The following CDC23 variants were observed in gnomAD, a reference collection of about 807,000 sequenced individuals.
CDC23 encodes cell division cycle 23.
A neutral mutation model predicts 81.7 loss-of-function variants in CDC23; 26 were observed. The ratio of observed to expected loss-of-function variants is 0.32; its 90% CI spans 0.23 to 0.44. CDC23 has a LOEUF of 0.44. Among genes scored for constraint, CDC23 ranks in the 20% least tolerant of loss-of-function variants. CDC23 has a pLI of 1.00. For synonymous variants in CDC23, 267 were observed against 270.8 expected (o/e 0.99, Z 0.14); for missense variants, 519 against 728.0 (o/e 0.71, Z 3.30).
Position 138,189,866 on chromosome 5 carries a change from A to C in CDC23, c.1465T>G (p.Cys489Gly). The change falls in exon 14 of 16, where the codon TGT (cysteine) becomes GGT (glycine). Residue 489 changes from cysteine to glycine, a missense_variant. This residue lies in a region of CDC23 where 175 missense variants were observed against 337.8 expected (regional missense o/e 0.52). Coordinates refer to ENST00000394886, the MANE Select transcript of CDC23 (RefSeq NM_004661.4). Reference sequence around the variant, plus strand: ...ATATCTTGGATATATTTGATGTAACACTGGGCAGCCTGTTCTGACTCAGTC... The same window carrying C: ...ATATCTTGGATATATTTGATGTAACCCTGGGCAGCCTGTTCTGACTCAGTC... ...QLTESEQAAQ[C>G]YIKYIQDIYS... The C allele has an allele frequency of 6.2e-7, 1 of 1,614,156 alleles. No individual in the cohort carries two copies. The highest frequency in any genetic ancestry group is 8.5e-7 in the Non-Finnish European group (1 of 1,180,016).
intron 15 of CDC23, 65 bp from the exon 16 acceptor site, chr5:138,189,213 A>G: frequency 1.3e-6 from 2 of 1,488,166 alleles, no homozygotes; most frequent in Non-Finnish European, 1.8e-6. Context: ...CAAGTTATTA[A>G]GATGCTGTTA....
At chr5:138,189,606 A>G (rs1237989642) in intron 15 of CDC23, 27 bp downstream of exon 15, 6 of 1,598,248 alleles carry the variant, frequency 3.8e-6, no homozygotes, top group Non-Finnish European at 5.1e-6. Context: ...TAAAATTCAA[A>G]CCTTTTATTA....
At chr5:138,205,000 C>T (rs1483587326) in intron 3 of CDC23, among the ~76,000 whole-genome samples, 3 of 151,922 alleles carry the variant, frequency 2.0e-5, no homozygotes, top group Admixed American at 1.3e-4. Context: ...CTGTAACCTC[C>T]ACCACCTGGG....
chr5:138,201,155 A>T lies in CDC23; in HGVS notation c.606T>A (p.His202Gln). 5 of 1,614,194 alleles carry T rather than the reference A, an allele frequency of 3.1e-6. No individual in the cohort carries two copies. Among genetic ancestry groups the T allele is most frequent in the Non-Finnish European group, 4.2e-6 (5 of 1,180,036 alleles). Residue 202 changes from histidine (H) to glutamine (Q), a missense_variant, in exon 6 of 16, where the codon CAT becomes CAA. Coordinates refer to ENST00000394886, the MANE Select transcript of CDC23 (RefSeq NM_004661.4). ...FVEATHVLPLHWGAWLELCNL... is the reference protein window; with the variant it reads ...FVEATHVLPLQWGAWLELCNL... ...TACAGAGTTCTAACCAGGCTCCCCAATGCAAGGGCAAAACATGAGTAGCTT... is the reference window on the plus strand; with the variant it reads ...TACAGAGTTCTAACCAGGCTCCCCATTGCAAGGGCAAAACATGAGTAGCTT...
chr5:138,209,200 G>GATCT (rs1386873375), intron 2 of CDC23, among the ~76,000 whole-genome samples: 32 of 152,114 alleles, frequency 2.1e-4, no homozygotes, highest in Admixed American at 7.2e-4. Flanking sequence ...GCTAAGACAG[G>GATCT]TGGATCACCT....
chr5:138,198,792 GGA>G lies in CDC23; in HGVS notation c.655-12_655-11del. 4 of 1,612,298 alleles carry G rather than the reference GGA, an allele frequency of 2.5e-6. No individual in the cohort carries two copies. The highest frequency in any genetic ancestry group is 3.4e-6 in the Non-Finnish European group (4 of 1,179,448). On this transcript the variant is annotated splice_polypyrimidine_tract_variant and intron_variant, in intron 6 of 15. Coordinates refer to ENST00000394886, the MANE Select transcript of CDC23 (RefSeq NM_004661.4). Reference sequence around the variant, plus strand: ...AAGACAGGAACTTCAGCTGGCAGCAGGAGAGAGAGGGACACACTTAATATAAC... The same window carrying G: ...AAGACAGGAACTTCAGCTGGCAGCAGGAGAGAGGGACACACTTAATATAAC...
chr5:138,195,646 A>T (rs1406738133), intron 9 of CDC23, among the ~76,000 whole-genome samples: 21 of 116,710 alleles, frequency 1.8e-4, no homozygotes, highest in African/African-American at 3.0e-4. Context: ...TACATATATA[A>T]TATATATTAT....
At chr5:138,198,075 TCA>T (rs996491823) in intron 9 of CDC23, 122 bp downstream of exon 9, 57 of 699,820 alleles carry the variant, frequency 8.1e-5, no homozygotes, top group Non-Finnish European at 1.3e-4. Context: ...TCCTCCCGCC[TCA>T]GTCTCCTGAG....
chr5:138,192,766 C>G, intron 9 of CDC23, 109 bp from the exon 10 acceptor site: 6 of 946,252 alleles, frequency 6.3e-6, no homozygotes, highest in Non-Finnish European at 9.3e-6. Flanking sequence ...CCCATTCCCT[C>G]TAAAGTCCTG....
intron 4 of CDC23, 54 bp from the exon 5 acceptor site, chr5:138,201,502 CTTATT>C (rs1180994568): frequency 8.2e-7 from 1 of 1,213,488 alleles, no homozygotes; most frequent in Non-Finnish European, 1.2e-6. Context: ...TTTTCATTTT[CTTATT>C]TTATTTATTT....
At chr5:138,201,993 G>C in intron 4 of CDC23, 120 bp downstream of exon 4, 1 of 692,730 alleles carries the variant, frequency 1.4e-6, no homozygotes, top group Non-Finnish European at 2.5e-6. Flanking sequence ...GATAAGCCAG[G>C]TGCTTTCCAA....
intron 2 of CDC23, among the ~76,000 whole-genome samples, chr5:138,212,655 T>C (rs1270906664): frequency 2.6e-5 from 4 of 152,188 alleles, no homozygotes; most frequent in Non-Finnish European, 1.5e-5. Context: ...GTATTTATTA[T>C]GAGATATCCT....
chr5:138,213,184 G>A lies in CDC23; in HGVS notation c.129C>T (p.Thr43=), dbSNP rs1221457294. 7 of 1,614,000 alleles carry A rather than the reference G, an allele frequency of 4.3e-6. No individual in the cohort carries two copies. The South Asian group carries it at 5.5e-5, about 13-fold the overall frequency. The change falls in exon 1 of 16, where the codon ACC becomes ACT. Residue 43 remains threonine (T), a synonymous_variant. Coordinates refer to ENST00000394886, the MANE Select transcript of CDC23 (RefSeq NM_004661.4). ...KKQLLLIAGL[T]RERGLLHSSK... Reference sequence around the variant, plus strand: ...TACTGTGTAGTAGGCCCCGCTCCCGGGTAAGGCCCGCAATAAGCAGCAGTT... The same window carrying A: ...TACTGTGTAGTAGGCCCCGCTCCCGAGTAAGGCCCGCAATAAGCAGCAGTT...
At chr5:138,207,161 T>C (rs1369335539) in intron 2 of CDC23, among the ~76,000 whole-genome samples, 2 of 152,092 alleles carry the variant, frequency 1.3e-5, no homozygotes, top group East Asian at 1.9e-4. Context: ...ATTACAGGTA[T>C]GAGCGACCGC....
At position 138,191,553 on chromosome 5, in the gene CDC23, TG is replaced by T; in HGVS notation, c.1363-19del. ...CAATAACACTGTCAAAAAAATAAAC[TG>T]GTCATTTTGACCATTGTCCCATGTG... is the stretch of plus-strand genomic sequence containing the variant. On this transcript the variant is annotated intron_variant, in intron 12 of 15. Coordinates refer to ENST00000394886, the MANE Select transcript of CDC23 (RefSeq NM_004661.4). 1 of 1,611,708 alleles carries T rather than the reference TG, an allele frequency of 6.2e-7. No individual in the cohort carries two copies. Among genetic ancestry groups the T allele is most frequent in the Non-Finnish European group, 8.5e-7 (1 of 1,177,744 alleles).
Position 138,198,733 on chromosome 5 carries a change from G to A in CDC23, c.704C>T (p.Ala235Val), listed in dbSNP as rs1375052396. Residue 235 changes from alanine (A) to valine (V), a missense_variant, in exon 7 of 16, where the codon GCT becomes GTT. Coordinates refer to ENST00000394886, the MANE Select transcript of CDC23 (RefSeq NM_004661.4). The stretch of plus-strand genomic sequence containing the variant: ...CAACTGCAACTCTGTGTATATATGA[G>A]CCAGAAAAAACTCTTTCATCCAGGT... ...PDTWMKEFFLAHIYTELQLIE... is the reference protein window; with the variant it reads ...PDTWMKEFFLVHIYTELQLIE... 6.2e-7 allele frequency: 1 copy of A among 1,614,046 alleles called. No homozygotes were observed. Among genetic ancestry groups the A allele is most frequent in the South Asian group, 1.1e-5 (1 of 91,046 alleles).
intron 15 of CDC23, among the ~76,000 whole-genome samples, chr5:138,189,411 A>G (rs543543375): frequency 6.6e-6 from 1 of 151,854 alleles, no homozygotes; most frequent in African/African-American, 2.4e-5. Context: ...ACAGGCATGC[A>G]CCACCAAACC....
intron 13 of CDC23, among the ~76,000 whole-genome samples, chr5:138,190,900 T>C (rs1180547880): frequency 3.3e-5 from 5 of 151,390 alleles, no homozygotes; most frequent in African/African-American, 1.2e-4. Flanking sequence ...ACCAAGCAAC[T>C]CAATTTTTTT....
Position 138,191,465 on chromosome 5 carries a change from T to G in CDC23, c.1424+9A>C, listed in dbSNP as rs774960468. ...GAAATATCAATAGCATTTCACTCCT[T>G]TCACTCACTTTGCCAGTTTCACCAG... is the stretch of plus-strand genomic sequence containing the variant. On this transcript the variant is annotated intron_variant, in intron 13 of 15. Transcript: ENST00000394886. 2.5e-6 allele frequency: 4 copies of G among 1,613,246 alleles called. No individual in the cohort carries two copies. The highest frequency in any genetic ancestry group is 3.4e-6 in the Non-Finnish European group (4 of 1,179,150).
Sources: allele counts gnomAD v4.1 joint callset (sites outside exome capture counted in the v4.1 genomes callset), GRCh38; gene constraint gnomAD v4.1.1; regional missense constraint gnomAD v4.1.1; transcripts MANE v1.5; gene names NCBI Gene and HGNC (gene_info 2026-07-23, HGNC 2026-07-21).